DHX15: variants seen among roughly 807,000 people sequenced by gnomAD.
DHX15 encodes the protein ATP-dependent RNA helicase DHX15.
A neutral mutation model predicts 94.4 loss-of-function variants in DHX15; 11 were observed. The observed-to-expected ratio is 0.12, with a 90% CI of 0.07 to 0.19. The LOEUF is 0.19. Ranked by LOEUF, DHX15 falls within the 10% of genes least tolerant of loss-of-function variation. The probability of loss-of-function intolerance (pLI) is 1.00; values close to 1 mark genes in which losing one functional copy is unlikely to be tolerated. For missense variants in DHX15, 304 were observed against 988.5 expected (o/e 0.31, Z 9.29); for synonymous variants, 338 against 329.9 (o/e 1.02, Z -0.27).
At chr4:24,563,627 A>T (rs1057140282) in intron 3 of DHX15, among the ~76,000 whole-genome samples, 2 of 152,158 alleles carry the variant, frequency 1.3e-5, no homozygotes, top group South Asian at 4.1e-4. Context: ...TTAAAACATA[A>T]TTTTTTTACT....
intron 2 of DHX15, among the ~76,000 whole-genome samples, chr4:24,574,005 G>C (rs1471180645): frequency 3.3e-5 from 5 of 150,968 alleles, no homozygotes; most frequent in Admixed American, 2.6e-4. Context: ...AGACCAGCCT[G>C]GCCAACAGGG....
intron 2 of DHX15, among the ~76,000 whole-genome samples, chr4:24,574,230 T>TAAAAAAAAAAAAAAA (rs1413770864): frequency 2.4e-5 from 2 of 81,862 alleles, no homozygotes; most frequent in African/African-American, 4.5e-5. Flanking sequence ...AAAAAAAAAG[T>TAAAAAAAAAAAAAAA]TAAAGTCATT....
At chr4:24,568,657 A>G (rs1281984423) in intron 3 of DHX15, among the ~76,000 whole-genome samples, 1 of 152,188 alleles carries the variant, frequency 6.6e-6, no homozygotes, top group Non-Finnish European at 1.5e-5. Context: ...CTTGTATCCC[A>G]ATTTCCAAAT....
intron 12 of DHX15, among the ~76,000 whole-genome samples, chr4:24,531,733 C>T (rs544473675): frequency 2.8e-4 from 42 of 152,004 alleles, no homozygotes; most frequent in Admixed American, 9.2e-4. Context: ...TCCCCTCCCC[C>T]TAAAAAAGAA....
At chr4:24,569,081 G>A (rs573904624) in intron 3 of DHX15, among the ~76,000 whole-genome samples, 84 of 152,174 alleles carry the variant, frequency 5.5e-4, no homozygotes, top group Middle Eastern at 6.8e-3. Flanking sequence ...AATGAAAACT[G>A]GATATTTTGA....
At chr4:24,558,167 C>T (rs539476658) in intron 3 of DHX15, among the ~76,000 whole-genome samples, 4 of 152,188 alleles carry the variant, frequency 2.6e-5, no homozygotes, top group South Asian at 2.1e-4. Context: ...ACAGACCCAA[C>T]AATTCACATT....
chr4:24,534,144 C>A (rs1422339576), intron 11 of DHX15: 2 of 152,152 alleles, frequency 1.3e-5, no homozygotes, highest in Middle Eastern at 3.4e-3. Context: ...TTAATTAATC[C>A]ATCTGGAATG....
chr4:24,550,116 A>C (rs1281474212), intron 5 of DHX15, among the ~76,000 whole-genome samples: 1 of 147,292 alleles, frequency 6.8e-6, no homozygotes, highest in East Asian at 2.0e-4. Context: ...AAAAAAAAAA[A>C]AAAAAAACGG....
chr4:24,550,831 T>G (rs900424756), intron 5 of DHX15, among the ~76,000 whole-genome samples: 1 of 152,248 alleles, frequency 6.6e-6, no homozygotes, highest in Admixed American at 6.5e-5. Flanking sequence ...TCATTATTAT[T>G]ATGTACTGGA....
intron 5 of DHX15, 68 bp from the exon 6 acceptor site, chr4:24,549,090 T>A: frequency 7.5e-7 from 1 of 1,333,380 alleles, no homozygotes; most frequent in East Asian, 2.5e-5. Context: ...TAATCCTAGT[T>A]CTATGCAGTC....
chr4:24,538,725 A>T (rs1721246131), intron 10 of DHX15: 1 of 144,758 alleles, frequency 6.9e-6, no homozygotes, highest in East Asian at 2.0e-4. Flanking sequence ...TATTTGTAAT[A>T]AATAAAAATA....
intron 1 of DHX15, among the ~76,000 whole-genome samples, chr4:24,577,312 A>G (rs554361068): frequency 5.3e-5 from 8 of 152,336 alleles, no homozygotes; most frequent in Admixed American, 5.2e-4. Flanking sequence ...CAACTAATAC[A>G]AATACGAATT....
At chr4:24,567,981 C>T (rs1458554665) in intron 3 of DHX15, among the ~76,000 whole-genome samples, 2 of 152,154 alleles carry the variant, frequency 1.3e-5, no homozygotes, top group African/African-American at 4.8e-5. Context: ...ATACCAGATC[C>T]AATCTTCCGA....
In DHX15 at chr4:24,532,854, A is replaced by G. The variant is rs1212808830; in HGVS notation, c.2100+10T>C. 1.3e-6 allele frequency: 2 copies of G among 1,563,996 alleles called. No homozygotes were observed. Among genetic ancestry groups the G allele is most frequent in the East Asian group, 4.5e-5 (2 of 44,540 alleles). ...ATACTTAGTTATTCATTCCCATATT[A>G]TCTACATACCTGCATAAAATACCCA... On this transcript the variant is annotated intron_variant, in intron 12 of 13. Coordinates refer to ENST00000336812, the MANE Select transcript of DHX15 (RefSeq NM_001358.3).
At chr4:24,572,999 C>G (rs1328384383) in intron 2 of DHX15, among the ~76,000 whole-genome samples, 4 of 152,212 alleles carry the variant, frequency 2.6e-5, no homozygotes, top group African/African-American at 9.7e-5. Flanking sequence ...CAACCTCCAC[C>G]TCCAGGGTTC....
At chr4:24,577,950 C>A (rs887525283) in intron 1 of DHX15, among the ~76,000 whole-genome samples, 24 of 152,152 alleles carry the variant, frequency 1.6e-4, no homozygotes, top group Non-Finnish European at 3.1e-4. Flanking sequence ...GTTCCTTACC[C>A]ACAATACACA....
chr4:24,578,528 G>A (rs1722332137), intron 1 of DHX15, among the ~76,000 whole-genome samples: 1 of 152,162 alleles, frequency 6.6e-6, no homozygotes, highest in South Asian at 2.1e-4. Context: ...ACTCAACCAT[G>A]GGGGAAGGAG....
At chr4:24,570,625 A>C in intron 3 of DHX15, 29 bp downstream of exon 3, 1 of 1,605,134 alleles carries the variant, frequency 6.2e-7, no homozygotes, top group Non-Finnish European at 8.5e-7. Flanking sequence ...GCAGAGGACT[A>C]AAAGCGTCAT....
intron 7 of DHX15, among the ~76,000 whole-genome samples, 186 bp from the exon 8 acceptor site, chr4:24,542,208 C>T (rs777885402): frequency 6.6e-6 from 1 of 152,114 alleles, no homozygotes; most frequent in Non-Finnish European, 1.5e-5. Context: ...CATTCTAATT[C>T]GATCATCTGA....
Sources: gnomAD v4.1 joint callset for allele counts (sites outside exome capture counted in the v4.1 genomes callset) on GRCh38, gnomAD v4.1.1 for gene constraint, MANE v1.5 for transcripts, NCBI Gene and HGNC (gene_info 2026-07-23, HGNC 2026-07-21) for gene names.